Variants in ZNF385D observed in about 807,000 individuals in gnomAD.
ZNF385D encodes zinc finger protein 659.
Under a neutral mutation model 35.8 loss-of-function variants are expected in ZNF385D, and 15 were observed. The ratio of observed to expected loss-of-function variants is 0.42; its 90% confidence interval spans 0.28 to 0.64. The LOEUF is 0.64. ZNF385D is among the 30% of genes least tolerant of loss of function. The pLI is 0.23. For synonymous variants in ZNF385D, 212 were observed against 186.8 expected, an observed-to-expected ratio of 1.13 and a Z score of -1.10; for missense variants, 474 against 494.6, an observed-to-expected ratio of 0.96 and a Z score of 0.39.
chr3:22,156,237 AAG>A, intron 3 of ZNF385D, among the ~76,000 whole-genome samples: 1 of 152,188 alleles, frequency 6.6e-6, no homozygotes, highest in Non-Finnish European at 1.5e-5. Flanking sequence ...AACAAGAAAC[AAG>A]AAAAACACAT....
chr3:21,830,779 T>C lies in ZNF385D; in HGVS notation c.326-165751A>G, dbSNP rs185705665. ...GCTTGCAGTGTACAAAGAAACCTTG[T>C]AGTCTTGAGAAAAACAGAAAATAAG... On this transcript the variant is annotated intron_variant, in intron 3 of 5. Coordinates refer to the ZNF385D transcript ENST00000494108. Among the ~76,000 whole-genome samples the C allele has an allele frequency of 2.3e-3, 347 of 152,326 alleles. 1 individual carries two copies. The highest frequency in any genetic ancestry group is 7.6e-3 in the African/African-American group (315 of 41,578).
intron 3 of ZNF385D, chr3:21,877,844 T>C (rs938999300): frequency 6.6e-6 from 1 of 152,012 alleles, no homozygotes; most frequent in Non-Finnish European, 1.5e-5. Flanking sequence ...ATCTATTTTA[T>C]GGTTTTCCAC....
chr3:21,441,820 T>A, intron 4 of ZNF385D: 1 of 746,636 alleles, frequency 1.3e-6, no homozygotes, highest in Non-Finnish European at 1.6e-6. Flanking sequence ...TTCTTTGCAC[T>A]ACTCTACCAA....
chr3:22,057,628 A>G (rs1049602309), intron 3 of ZNF385D, among the ~76,000 whole-genome samples: 3 of 149,486 alleles, frequency 2.0e-5, no homozygotes, highest in Non-Finnish European at 4.5e-5. Flanking sequence ...TCTTGTCTCA[A>G]CCTCCCGAGT....
At chr3:21,958,421 A>C (rs1349005163) in intron 3 of ZNF385D, among the ~76,000 whole-genome samples, 2 of 152,124 alleles carry the variant, frequency 1.3e-5, no homozygotes, top group Non-Finnish European at 2.9e-5. Flanking sequence ...AAATAATAAT[A>C]TTTCTCCAAA....
chr3:21,485,615 G>A (rs1180102816), intron 4 of ZNF385D, among the ~76,000 whole-genome samples: 1 of 151,718 alleles, frequency 6.6e-6, no homozygotes, highest in Non-Finnish European at 1.5e-5. Flanking sequence ...TTTCCCATCT[G>A]TGAGGATTAC....
intron 1 of ZNF385D, among the ~76,000 whole-genome samples, chr3:21,711,039 G>GTTTTTTGTTTTTTTTTTT (rs1269796345): frequency 1.2e-5 from 1 of 83,140 alleles, no homozygotes; most frequent in Non-Finnish European, 2.1e-5. Context: ...CCCTCTAAAA[G>GTTTTTTGTTTTTTTTTTT]TTTTTTTTTT....
At chr3:21,936,521 C>G (rs552165298) in intron 3 of ZNF385D, among the ~76,000 whole-genome samples, 3 of 151,882 alleles carry the variant, frequency 2.0e-5, no homozygotes, top group African/African-American at 7.2e-5. Flanking sequence ...TTGTAACTTT[C>G]TCATGGAACA....
At chr3:21,941,805 T>C (rs113370008) in intron 3 of ZNF385D, among the ~76,000 whole-genome samples, 4 of 139,546 alleles carry the variant, frequency 2.9e-5, no homozygotes, top group African/African-American at 1.1e-4. Context: ...CCTCTTTAAT[T>C]TCTGTGTTAT....
At chr3:22,203,917 C>T (rs935414924) in intron 2 of ZNF385D, among the ~76,000 whole-genome samples, 9 of 152,064 alleles carry the variant, frequency 5.9e-5, no homozygotes, top group African/African-American at 1.7e-4. Context: ...AAACTTGTTG[C>T]CCGAAGGGAA....
At chr3:21,996,948 G>A (rs1485033021) in intron 3 of ZNF385D, among the ~76,000 whole-genome samples, 1 of 151,970 alleles carries the variant, frequency 6.6e-6, no homozygotes, top group Non-Finnish European at 1.5e-5. Context: ...GTTTCCAAAC[G>A]ACAAATATAA....
At chr3:21,648,004 A>T (rs2065803642) in intron 2 of ZNF385D, among the ~76,000 whole-genome samples, 2 of 152,216 alleles carry the variant, frequency 1.3e-5, no homozygotes, top group African/African-American at 4.8e-5. Flanking sequence ...CATCTCATTT[A>T]ATCTCATTTA....
At chr3:21,564,845 G>C (rs946630953) in intron 2 of ZNF385D, among the ~76,000 whole-genome samples, 161 bp from the exon 3 acceptor site, 2 of 152,004 alleles carry the variant, frequency 1.3e-5, no homozygotes, top group Admixed American at 1.3e-4. Flanking sequence ...TACTTTCTTG[G>C]AAAATAGATA....
chr3:21,959,521 A>G (rs1258689279), intron 3 of ZNF385D, among the ~76,000 whole-genome samples: 1 of 152,214 alleles, frequency 6.6e-6, no homozygotes, highest in Non-Finnish European at 1.5e-5. Flanking sequence ...TGATATTTTC[A>G]GAGTGCTGGA....
At chr3:22,064,863 T>C (rs957210115) in intron 3 of ZNF385D, among the ~76,000 whole-genome samples, 7 of 152,208 alleles carry the variant, frequency 4.6e-5, no homozygotes, top group African/African-American at 1.7e-4. Flanking sequence ...TAGTGATCTA[T>C]TGCACAGCAT....
intron 5 of ZNF385D, 108 bp from the exon 6 acceptor site, chr3:21,425,778 A>G: frequency 4.0e-6 from 4 of 990,010 alleles, no homozygotes; most frequent in Non-Finnish European, 5.6e-6. Context: ...TACCTTTAAG[A>G]AACAGTACAA....
At chr3:21,825,932 G>A (rs558275858) in intron 3 of ZNF385D, among the ~76,000 whole-genome samples, 91 of 152,268 alleles carry the variant, frequency 6.0e-4, no homozygotes, top group African/African-American at 2.1e-3. Flanking sequence ...TTTTAGGAGC[G>A]CAAAACCCTG....
chr3:21,459,480 T>A (rs975280721), intron 4 of ZNF385D: 2 of 152,044 alleles, frequency 1.3e-5, no homozygotes, highest in Non-Finnish European at 2.9e-5. Context: ...AAGAGCAGAA[T>A]GAAATATTAT....
intron 2 of ZNF385D, among the ~76,000 whole-genome samples, chr3:22,346,079 G>A (rs1049611336): frequency 1.3e-5 from 2 of 152,120 alleles, no homozygotes; most frequent in African/African-American, 2.4e-5. Flanking sequence ...ACTGCAATGA[G>A]CTGAAAATGG....
Sources: gnomAD v4.1 joint callset for allele counts (sites outside exome capture counted in the v4.1 genomes callset) on GRCh38, gnomAD v4.1.1 for gene constraint, MANE v1.5 for transcripts, NCBI Gene and HGNC (gene_info 2026-07-23, HGNC 2026-07-21) for gene names.